Variants in MACROH2A2 observed in about 807,000 individuals in gnomAD.
MACROH2A2 encodes the protein macroH2A.2 histone.
MACROH2A2 carries 6 observed loss-of-function variants against 37.6 expected under a neutral mutation model. The ratio of observed to expected loss-of-function variants is 0.16; its 90% CI spans 0.09 to 0.32. The LOEUF is 0.32. MACROH2A2 is among the 10% of genes least tolerant of loss of function. The probability of loss-of-function intolerance (pLI) is 1.00; values close to 1 mark genes in which losing one functional copy is unlikely to be tolerated. For synonymous variants in MACROH2A2, 192 were observed against 202.7 expected, an observed-to-expected ratio of 0.95 and a Z score of 0.45; for missense variants, 290 against 485.9, an observed-to-expected ratio of 0.60 and a Z score of 3.79.
In MACROH2A2 at chr10:70,109,221, C is replaced by T. The variant is rs543110869; in HGVS notation, c.953+14C>T. On this transcript the variant is annotated intron_variant, in intron 8 of 8. Coordinates refer to ENST00000373255, the MANE Select transcript of MACROH2A2 (RefSeq NM_018649.3). The stretch of plus-strand genomic sequence containing the variant: ...CCCCAGCGGCAGGTAAGATGCAGTT[C>T]CCCTGAGTTGATTCCTCCGGCTTTT... 40 of 1,608,044 alleles carry T rather than the reference C, an allele frequency of 2.5e-5. No homozygotes were observed. The highest frequency in any genetic ancestry group is 3.6e-4 in the Middle Eastern group (2 of 5,496).
At position 70,080,900 on chromosome 10, in the gene MACROH2A2, A is replaced by C. The variant is rs10999127; in HGVS notation, c.172+5070A>C. 1.9e-4 allele frequency among the ~76,000 whole-genome samples: 28 copies of C among 148,568 alleles called. 1 individual carries two copies. The highest frequency in any genetic ancestry group is 6.8e-4 in the African/African-American group (27 of 39,942). ...AACTCCATCTCAAAAAAAAAAAAAAAAAAAAAAAAAAAACCTAACTGGGTG... is the reference window on the plus strand; with the variant it reads ...AACTCCATCTCAAAAAAAAAAAAAACAAAAAAAAAAAAACCTAACTGGGTG... On this transcript the variant is annotated intron_variant, in intron 2 of 8. Coordinates refer to ENST00000373255, the MANE Select transcript of MACROH2A2 (RefSeq NM_018649.3).
At position 70,111,821 on chromosome 10, in the gene MACROH2A2, C is replaced by T. The variant is rs2072377629; in HGVS notation, c.*138C>T. The T allele has an allele frequency of 6.7e-6, 4 of 593,908 alleles. No individual in the cohort carries two copies. The South Asian group carries it at 1.1e-4, about 17-fold the overall frequency. 36.8% of individuals were successfully genotyped at this position (593,908 alleles called of 1,614,324 possible). On this transcript the variant is annotated 3_prime_UTR_variant, in exon 9 of 9. Transcript: ENST00000373255. ...AGGTCCTGCCGGCGCAGGGAGCCCT[C>T]TGCCCTTCACACTCTCCTCCAAAAG... is the stretch of plus-strand genomic sequence containing the variant.
In MACROH2A2 at chr10:70,102,911, C is replaced by CT. The variant is rs1361936550; in HGVS notation, c.778+2615dup. On this transcript the variant is annotated intron_variant, in intron 7 of 8. Coordinates refer to ENST00000373255, the MANE Select transcript of MACROH2A2 (RefSeq NM_018649.3). ...CTCCATGTAGACAGAGACAGGAGGG[C>CT]TGCAGCAGCACCTGCAGGATGCTGC... Among the ~76,000 whole-genome samples, 12 of 152,222 alleles carry CT rather than the reference C, an allele frequency of 7.9e-5. No homozygotes were observed. In the East Asian group the frequency reaches 2.3e-3, roughly 29 times the overall value.
intron 1 of MACROH2A2, among the ~76,000 whole-genome samples, chr10:70,066,015 C>T (rs2136619078): frequency 6.6e-6 from 1 of 152,236 alleles, no homozygotes; most frequent in South Asian, 2.1e-4. Context: ...TGTAAGAAAA[C>T]AAAGTTTAGG....
chr10:70,105,064 C>T (rs1182329865), intron 7 of MACROH2A2, among the ~76,000 whole-genome samples: 3 of 152,192 alleles, frequency 2.0e-5, no homozygotes, highest in Admixed American at 2.0e-4. Flanking sequence ...GAAGCTGGAG[C>T]TAAGGTAAGT....
Position 70,095,770 on chromosome 10 carries a change from T to G in MACROH2A2, c.688+17T>G, listed in dbSNP as rs766501962. 7 of 1,206,520 alleles carry G rather than the reference T, an allele frequency of 5.8e-6. No individual in the cohort carries two copies. The African/African-American group carries it at 1.0e-4, about 18-fold the overall frequency. 74.7% of individuals were successfully genotyped at this position (1,206,520 alleles called of 1,614,324 possible). A position where few individuals can be genotyped will look rare whatever the true frequency, so the allele number is the denominator to read the frequency against. On this transcript the variant is annotated intron_variant, in intron 6 of 8. Transcript: ENST00000373255. ...AAGATATAGGTAAGGTCCTGAGACTTCAGTAGAAGTGCCATAGAATAGGCC... is the reference window on the plus strand; with the variant it reads ...AAGATATAGGTAAGGTCCTGAGACTGCAGTAGAAGTGCCATAGAATAGGCC...
At chr10:70,055,983 A>G (rs1048725074) in intron 1 of MACROH2A2, among the ~76,000 whole-genome samples, 2 of 152,240 alleles carry the variant, frequency 1.3e-5, no homozygotes, top group Admixed American at 1.3e-4. Flanking sequence ...CTGAGACAGA[A>G]AAAGATCACC....
intron 1 of MACROH2A2, among the ~76,000 whole-genome samples, chr10:70,056,120 G>A (rs1247395328): frequency 2.0e-5 from 3 of 152,154 alleles, no homozygotes; most frequent in Middle Eastern, 3.2e-3. Flanking sequence ...GACAGAAAAA[G>A]TATAGAAGAT....
chr10:70,100,212 A>G lies in MACROH2A2; in HGVS notation c.693A>G (p.Lys231=). 6.3e-7 allele frequency: 1 copy of G among 1,587,202 alleles called. No individual in the cohort carries two copies. Among genetic ancestry groups the G allele is most frequent in the Non-Finnish European group, 8.6e-7 (1 of 1,156,206 alleles). The change falls in exon 7 of 9, where the codon AAA becomes AAG. Residue 231 remains lysine (K), a synonymous_variant. Coordinates refer to ENST00000373255, the MANE Select transcript of MACROH2A2 (RefSeq NM_018649.3). ...TCCCATTGCTCTCCTTTGCAGGTAA[A>G]GCCTTGGAAAAGGCTGGGGGAAAAG... The part of the protein sequence containing the change: ...AEIDLKEDIG[K]ALEKAGGKEF...
intron 2 of MACROH2A2, among the ~76,000 whole-genome samples, chr10:70,089,388 C>T (rs912934271): frequency 1.3e-5 from 2 of 152,180 alleles, no homozygotes; most frequent in African/African-American, 4.8e-5. Context: ...TGCACAACTT[C>T]TTCTTCTTGG....
intron 1 of MACROH2A2, among the ~76,000 whole-genome samples, chr10:70,058,382 C>T (rs1237626233): frequency 1.3e-5 from 2 of 152,196 alleles, no homozygotes; most frequent in Non-Finnish European, 2.9e-5. Context: ...AGTGTACAGA[C>T]ATTTACTCCA....
intron 2 of MACROH2A2, among the ~76,000 whole-genome samples, chr10:70,084,875 T>C (rs1473800748): frequency 1.3e-5 from 2 of 152,210 alleles, no homozygotes; most frequent in African/African-American, 4.8e-5. Flanking sequence ...CCCAAAGTGC[T>C]GGGACCACAC....
intron 2 of MACROH2A2, among the ~76,000 whole-genome samples, chr10:70,080,410 G>C (rs2072168999): frequency 6.6e-6 from 1 of 152,138 alleles, no homozygotes. Flanking sequence ...GAGGGGCTCA[G>C]TTTGGGACCT....
At chr10:70,087,353 C>T (rs1317971537) in intron 2 of MACROH2A2, among the ~76,000 whole-genome samples, 2 of 151,958 alleles carry the variant, frequency 1.3e-5, no homozygotes, top group Non-Finnish European at 2.9e-5. Flanking sequence ...CTGCCTCAGC[C>T]TCCCAAGTAG....
chr10:70,109,028 C>T lies in MACROH2A2; in HGVS notation c.779-5C>T. ...ACCCGCGGCATTTTCTCTCCTATGT[C>T]CCAGCCGCCGTCAGCCAATCCAGTG... On this transcript the variant is annotated splice_polypyrimidine_tract_variant and splice_region_variant and intron_variant, in intron 7 of 8. Coordinates refer to ENST00000373255, the MANE Select transcript of MACROH2A2 (RefSeq NM_018649.3). 1 of 1,613,688 alleles carries T rather than the reference C, an allele frequency of 6.2e-7. No individual in the cohort carries two copies. The highest frequency in any genetic ancestry group is 8.5e-7 in the Non-Finnish European group (1 of 1,179,596).
chr10:70,092,043 T>A, intron 4 of MACROH2A2, 89 bp downstream of exon 4: 1 of 1,056,664 alleles, frequency 9.5e-7, no homozygotes, highest in Non-Finnish European at 1.4e-6. Context: ...TGTTGAAACC[T>A]AACCCCAGAG....
intron 7 of MACROH2A2, among the ~76,000 whole-genome samples, chr10:70,106,368 TA>T (rs1296614154): frequency 8.5e-5 from 13 of 152,350 alleles, no homozygotes; most frequent in African/African-American, 2.9e-4. Flanking sequence ...TACAAAGCAT[TA>T]TGGCTACAAG....
intron 1 of MACROH2A2, among the ~76,000 whole-genome samples, chr10:70,067,910 G>T (rs2072087861): frequency 6.6e-6 from 1 of 152,144 alleles, no homozygotes; most frequent in African/African-American, 2.4e-5. Flanking sequence ...GTGGGTTAAG[G>T]CCTCATCCTT....
intron 1 of MACROH2A2, among the ~76,000 whole-genome samples, chr10:70,056,134 C>T (rs2072014711): frequency 6.6e-6 from 1 of 152,110 alleles, no homozygotes; most frequent in South Asian, 2.1e-4. Context: ...AGAAGATGCC[C>T]ACTAAGAGAG....
Sources: gnomAD v4.1 joint callset for allele counts (sites outside exome capture counted in the v4.1 genomes callset) on GRCh38, gnomAD v4.1.1 for gene constraint, MANE v1.5 for transcripts, NCBI Gene and HGNC (gene_info 2026-07-23, HGNC 2026-07-21) for gene names.